Variants in TOP1 observed in about 807,000 individuals in gnomAD.
TOP1 encodes the protein DNA topoisomerase I, also known as DNA topoisomerase 1.
In TOP1, 10 loss-of-function variants were observed where a neutral mutation model predicts 111.1. That is an observed-to-expected ratio of 0.09 (90% CI 0.06 to 0.15). The LOEUF is 0.15. TOP1 is among the 10% of genes least tolerant of loss of function. The probability of loss-of-function intolerance (pLI) is 1.00; values close to 1 mark genes in which losing one functional copy is unlikely to be tolerated. For missense variants in TOP1, 474 were observed against 926.7 expected (o/e 0.51, Z 6.34); for synonymous variants, 271 against 302.9 (o/e 0.89, Z 1.10).
Position 41,062,376 on chromosome 20 carries a change from G to A in TOP1, c.155+886G>A, listed in dbSNP as rs144306457. Among the ~76,000 whole-genome samples, 35 of 152,164 alleles carry A rather than the reference G, an allele frequency of 2.3e-4. 1 individual carries two copies. The East Asian group carries it at 5.8e-3, about 25-fold the overall frequency. On this transcript the variant is annotated intron_variant, in intron 3 of 20. Transcript: ENST00000361337. ...TTGCTTTCTAAGTCTGTTCTTTTTC[G>A]CGAATCATTAAAATAACCAGATTTA...
chr20:41,036,111 A>G (rs2033181578), intron 2 of TOP1, among the ~76,000 whole-genome samples: 1 of 152,246 alleles, frequency 6.6e-6, no homozygotes, highest in South Asian at 2.1e-4. Context: ...ACCAGAGACC[A>G]GGAAAGGAAA....
rs1187495589 is a variant in TOP1, at chr20:41,122,369, C to T, written c.2195+214C>T. ...TCTGGTTGCTCCTAAATGGTCAGTG[C>T]TGTTACACTGCCTTGTAGTGTATAT... On this transcript the variant is annotated intron_variant, in intron 20 of 20. Transcript: ENST00000361337. This position sits in a 1 kb window ranked among gnomAD's most constrained non-coding sequence, Gnocchi z 5.4. 6.6e-6 allele frequency among the ~76,000 whole-genome samples: 1 copy of T among 152,316 alleles called. No homozygotes were observed. The highest frequency in any genetic ancestry group is 1.9e-4 in the East Asian group (1 of 5,190).
rs1489626688 is a variant in TOP1 at position 41,102,923 on chromosome 20, A to G, written c.1308+1570A>G. Among the ~76,000 whole-genome samples the G allele has an allele frequency of 1.3e-5, 2 of 152,204 alleles. No homozygotes were observed. Among genetic ancestry groups the G allele is most frequent in the African/African-American group, 4.8e-5 (2 of 41,450 alleles). On this transcript the variant is annotated intron_variant, in intron 13 of 20. Coordinates refer to ENST00000361337, the MANE Select transcript of TOP1 (RefSeq NM_003286.4). This position sits in a 1 kb window ranked among gnomAD's most constrained non-coding sequence, Gnocchi z 4.0. ...CACCTTAGAGATCAACAATAACTTTATGAAGAAAAGTAGGTTATGGTTGGG... is the reference window on the plus strand; with the variant it reads ...CACCTTAGAGATCAACAATAACTTTGTGAAGAAAAGTAGGTTATGGTTGGG...
chr20:41,116,912 A>G lies in TOP1; in HGVS notation c.1822+520A>G, dbSNP rs2034339521. The stretch of plus-strand genomic sequence containing the variant: ...TATTGAATTTCCACTGCCCTCTGTA[A>G]ATACATCAGATGGCCTTAGAATATG... On this transcript the variant is annotated intron_variant, in intron 17 of 20. Coordinates refer to ENST00000361337, the MANE Select transcript of TOP1 (RefSeq NM_003286.4). The surrounding 1 kb of genome is among the most constrained non-coding windows in gnomAD (Gnocchi z 5.6). Among the ~76,000 whole-genome samples the G allele has an allele frequency of 6.6e-6, 1 of 152,196 alleles. No homozygotes were observed. The highest frequency in any genetic ancestry group is 2.1e-4 in the South Asian group (1 of 4,832).
Position 41,119,741 on chromosome 20 carries a change from G to A in TOP1, c.1950+1445G>A, listed in dbSNP as rs115387678. Among the ~76,000 whole-genome samples, 6 of 152,358 alleles carry A rather than the reference G, an allele frequency of 3.9e-5. No homozygotes were observed. The South Asian group carries it at 1.2e-3, about 32-fold the overall frequency. On this transcript the variant is annotated intron_variant, in intron 18 of 20. Coordinates refer to ENST00000361337, the MANE Select transcript of TOP1 (RefSeq NM_003286.4). ...AGAGACGTACATGTCCACAGTGAAT[G>A]AGTATACATCCATAGACCTTTGATT...
At chr20:41,062,110 T>C (rs2033552626) in intron 3 of TOP1, among the ~76,000 whole-genome samples, 1 of 152,222 alleles carries the variant, frequency 6.6e-6, no homozygotes, top group Non-Finnish European at 1.5e-5. Context: ...GCTCCCATTT[T>C]TTTGGTGTAG....
rs190662924 is a variant in TOP1 at position 41,071,000 on chromosome 20, T to C, written c.156-5171T>C. ...ATATCAAATGTGCTTAGATGAGTGC[T>C]TGGCACTGGGTGCTACTCAAGTATC... On this transcript the variant is annotated intron_variant, in intron 3 of 20. Transcript: ENST00000361337. Among the ~76,000 whole-genome samples, 329 of 152,354 alleles carry C rather than the reference T, an allele frequency of 2.2e-3. 1 individual carries two copies. The highest frequency in any genetic ancestry group is 6.5e-3 in the African/African-American group (270 of 41,582).
Position 41,069,721 on chromosome 20 carries a change from A to G in TOP1, c.156-6450A>G, listed in dbSNP as rs1330493559. 6.6e-6 allele frequency among the ~76,000 whole-genome samples: 1 copy of G among 152,224 alleles called. No individual in the cohort carries two copies. The highest frequency in any genetic ancestry group is 1.5e-5 in the Non-Finnish European group (1 of 68,042). On this transcript the variant is annotated intron_variant, in intron 3 of 20. Transcript: ENST00000361337. This position sits in a 1 kb window ranked among gnomAD's most constrained non-coding sequence, Gnocchi z 4.1. ...CTCTTGAGTTTGGTAGTTGAATCTA[A>G]TTCAGTAGTTATTGATAGCATTCAA... is the stretch of plus-strand genomic sequence containing the variant.
At chr20:41,113,921 GATC>G in intron 14 of TOP1, 46 bp from the exon 15 acceptor site, 1 of 1,376,526 alleles carries the variant, frequency 7.3e-7, no homozygotes, top group Non-Finnish European at 1.0e-6. Context: ...ATTGTGTAAG[GATC>G]ATGTCTCTTC....
chr20:41,029,624 G>A lies in TOP1; in HGVS notation c.58+169G>A, dbSNP rs2033091417. On this transcript the variant is annotated intron_variant, in intron 2 of 20. Transcript: ENST00000361337. The surrounding 1 kb of genome is among the most constrained non-coding windows in gnomAD (Gnocchi z 6.1). ...CGGGCCGCCTCTTGACCCCCTTTCCGGGGACCCCAGCTCCTCCAGATCCCG... is the reference window on the plus strand; with the variant it reads ...CGGGCCGCCTCTTGACCCCCTTTCCAGGGACCCCAGCTCCTCCAGATCCCG... 1 of 678,790 alleles carries A rather than the reference G, an allele frequency of 1.5e-6. No homozygotes were observed. The highest frequency in any genetic ancestry group is 2.2e-5 in the Admixed American group (1 of 46,234). 42.0% of individuals were successfully genotyped at this position (678,790 alleles called of 1,614,324 possible). A position where few individuals can be genotyped will look rare whatever the true frequency, so the allele number is the denominator to read the frequency against.
chr20:41,121,642 G>A lies in TOP1; in HGVS notation c.1951-54G>A. On this transcript the variant is annotated intron_variant, in intron 18 of 20. Transcript: ENST00000361337. The surrounding 1 kb of genome is among the most constrained non-coding windows in gnomAD (Gnocchi z 4.2). ...TAACATCTTGGTTTCACCTTCTCAG[G>A]TGGAGCCATTTTTCCTCTACAGCTC... 13 of 1,421,358 alleles carry A rather than the reference G, an allele frequency of 9.1e-6. No individual in the cohort carries two copies. The highest frequency in any genetic ancestry group is 1.1e-5 in the South Asian group (1 of 87,080). The allele number at this position is 1,421,358 out of a possible 1,614,324, so 88.0% of individuals were successfully genotyped here. A position where few individuals can be genotyped will look rare whatever the true frequency, so the allele number is the denominator to read the frequency against.
Position 41,115,244 on chromosome 20 carries a change from A to G in TOP1, c.1639-127A>G, listed in dbSNP as rs558730213. The G allele has an allele frequency of 4.3e-5, 27 of 623,024 alleles. No homozygotes were observed. In the South Asian group the frequency reaches 4.9e-4, roughly 11 times the overall value. 38.6% of individuals were successfully genotyped at this position (623,024 alleles called of 1,614,324 possible). ...GAATGGGGTAAAATGTTAACAGTGA[A>G]TCTCGGTGACGGATGTATGCGTGTT... is the stretch of plus-strand genomic sequence containing the variant. On this transcript the variant is annotated intron_variant, in intron 15 of 20. Transcript: ENST00000361337. This position sits in a 1 kb window ranked among gnomAD's most constrained non-coding sequence, Gnocchi z 6.3.
In TOP1 at chr20:41,101,198, G is replaced by C. The variant is rs372817990; in HGVS notation, c.1164-11G>C. On this transcript the variant is annotated splice_polypyrimidine_tract_variant and intron_variant, in intron 12 of 20. Transcript: ENST00000361337. The surrounding 1 kb of genome is among the most constrained non-coding windows in gnomAD (Gnocchi z 4.1). Reference sequence around the variant, plus strand: ...TCTTATTTCACTATCCTCGTGCTCTGTTATTTCCAGAGATGCCAAGGTTCC... The same window carrying C: ...TCTTATTTCACTATCCTCGTGCTCTCTTATTTCCAGAGATGCCAAGGTTCC... The C allele has an allele frequency of 6.2e-7, 1 of 1,613,872 alleles. No homozygotes were observed. Among genetic ancestry groups the C allele is most frequent in the East Asian group, 2.2e-5 (1 of 44,868 alleles).
At chr20:41,099,355 C>T (rs1340619435) in intron 11 of TOP1, among the ~76,000 whole-genome samples, 2 of 152,090 alleles carry the variant, frequency 1.3e-5, no homozygotes, top group Non-Finnish European at 2.9e-5. Context: ...GAGCTTTGTT[C>T]TTAGAATATT....
chr20:41,112,429 C>A lies in TOP1; in HGVS notation c.1309-353C>A, dbSNP rs6065312. Among the ~76,000 whole-genome samples the A allele has an allele frequency of 0.13, 19,276 of 152,240 alleles. 1,424 individuals carry two copies. Among genetic ancestry groups the A allele is most frequent in the Non-Finnish European group, 0.15 (10,519 of 68,008 alleles). On this transcript the variant is annotated intron_variant, in intron 13 of 20. Transcript: ENST00000361337. This position sits in a 1 kb window ranked among gnomAD's most constrained non-coding sequence, Gnocchi z 5.8. ...GAGAATTAGAGCTAGAAACTTTCTT[C>A]TGGGAAAGCCTTAGAAGTCAGTTGT...
rs759159424 is a variant in TOP1 at position 41,114,722 on chromosome 20, A to G, written c.1638+567A>G. Reference sequence around the variant, plus strand: ...GTGAAAGGTTAATGTTAGTCCCCAGATCTCTGAGCCCATCACTGAAGAGGG... The same window carrying G: ...GTGAAAGGTTAATGTTAGTCCCCAGGTCTCTGAGCCCATCACTGAAGAGGG... On this transcript the variant is annotated intron_variant, in intron 15 of 20. Transcript: ENST00000361337. The surrounding 1 kb of genome is among the most constrained non-coding windows in gnomAD (Gnocchi z 4.5). Among the ~76,000 whole-genome samples the G allele has an allele frequency of 1.3e-5, 2 of 152,194 alleles. No individual in the cohort carries two copies. Among genetic ancestry groups the G allele is most frequent in the African/African-American group, 2.4e-5 (1 of 41,454 alleles).
intron 8 of TOP1, among the ~76,000 whole-genome samples, chr20:41,089,650 T>C (rs1045105843): frequency 6.6e-6 from 1 of 152,244 alleles, no homozygotes; most frequent in Admixed American, 6.5e-5. Context: ...ATTGAGTATA[T>C]TCCTGGGAAT....
intron 3 of TOP1, among the ~76,000 whole-genome samples, chr20:41,075,463 G>A (rs531381040): frequency 1.3e-4 from 20 of 152,286 alleles, no homozygotes; most frequent in South Asian, 2.1e-4. Context: ...GAGCCACCGC[G>A]CCCAGCCCAA....
At chr20:41,085,894 A>G (rs964112449) in intron 8 of TOP1, among the ~76,000 whole-genome samples, 4 of 152,232 alleles carry the variant, frequency 2.6e-5, no homozygotes, top group African/African-American at 9.6e-5. Flanking sequence ...CTATGGCATC[A>G]TGGGATTAAA....
Sources: gnomAD v4.1 joint callset for allele counts (sites outside exome capture counted in the v4.1 genomes callset) on GRCh38, gnomAD v4.1.1 for gene constraint, Gnocchi (gnomAD v3.1) non-coding constraint, MANE v1.5 for transcripts, NCBI Gene and HGNC (gene_info 2026-07-23, HGNC 2026-07-21) for gene names.